ASTN2: variants seen among roughly 807,000 people sequenced by gnomAD.
ASTN2 encodes the protein astrotactin 2.
A neutral mutation model predicts 139.8 loss-of-function variants in ASTN2; 54 were observed. The observed-to-expected ratio is 0.39, with a 90% CI of 0.31 to 0.48. The LOEUF is 0.48. Ranked by LOEUF, ASTN2 falls within the 20% of genes least tolerant of loss-of-function variation. ASTN2 has a pLI of 0.95. For synonymous variants in ASTN2, 756 were observed against 719.5 expected (o/e 1.05, Z -0.81); for missense variants, 1,565 against 1,725.1 (o/e 0.91, Z 1.64).
chr9:116,731,219 A>G (rs955492813), intron 14 of ASTN2, among the ~76,000 whole-genome samples: 4 of 106,468 alleles, frequency 3.8e-5, no homozygotes, highest in Non-Finnish European at 6.1e-5. Context: ...TAATAATAAT[A>G]ATAATAAATC....
At chr9:117,270,152 T>C (rs914090773) in intron 2 of ASTN2, among the ~76,000 whole-genome samples, 2 of 152,202 alleles carry the variant, frequency 1.3e-5, no homozygotes, top group African/African-American at 4.8e-5. Flanking sequence ...TAGTTTTTCT[T>C]GTTTAAAAAA....
intron 13 of ASTN2, among the ~76,000 whole-genome samples, chr9:116,786,559 A>G (rs1830384283): frequency 6.6e-6 from 1 of 152,152 alleles, no homozygotes; most frequent in Non-Finnish European, 1.5e-5. Flanking sequence ...TGTTACTACA[A>G]TCACTACTAC....
intron 10 of ASTN2, among the ~76,000 whole-genome samples, chr9:116,896,813 T>A (rs1833890648): frequency 6.6e-6 from 1 of 152,090 alleles, no homozygotes; most frequent in Non-Finnish European, 1.5e-5. Flanking sequence ...TCATTTACCA[T>A]CATGAGAACA....
Position 117,414,711 on chromosome 9 carries a change from C to A in ASTN2, c.228G>T (p.Leu76=). 3 of 1,260,474 alleles carry A rather than the reference C, an allele frequency of 2.4e-6. No individual in the cohort carries two copies. The highest frequency in any genetic ancestry group is 3.0e-6 in the Non-Finnish European group (3 of 1,003,740). The allele number at this position is 1,260,474 out of a possible 1,614,324, so 78.1% of individuals were successfully genotyped here. The change falls in exon 1 of 23, where the codon CTG becomes CTT. Residue 76 remains leucine (L), a synonymous_variant. Coordinates refer to ENST00000313400, the MANE Select transcript of ASTN2 (RefSeq NM_001365068.1). The surrounding 1 kb of genome is among the most constrained non-coding windows in gnomAD (Gnocchi z 4.2). ...CGCTCCAGCCGATGTCGCTCTCCCG[C>A]AGGGCGGGCAGTGTGGACACCGTGA... is the stretch of plus-strand genomic sequence containing the variant. ...KTVTVSTLPA[L]RESDIGWSGA...
At chr9:116,478,257 A>AG (rs1849056437) in intron 20 of ASTN2, among the ~76,000 whole-genome samples, 1 of 140,356 alleles carries the variant, frequency 7.1e-6, no homozygotes, top group Admixed American at 7.1e-5. Flanking sequence ...GAGGGAGGGA[A>AG]GGAAGGAAGG....
At chr9:116,740,374 T>C (rs952774205) in intron 13 of ASTN2, among the ~76,000 whole-genome samples, 5 of 152,240 alleles carry the variant, frequency 3.3e-5, no homozygotes, top group Admixed American at 6.5e-5. Flanking sequence ...CATACGCACA[T>C]GGATACAAAT....
intron 2 of ASTN2, among the ~76,000 whole-genome samples, chr9:117,223,983 T>G (rs1056406390): frequency 6.6e-6 from 1 of 152,198 alleles, no homozygotes; most frequent in Non-Finnish European, 1.5e-5. Flanking sequence ...TTCTTTGGAA[T>G]GCATTCACCT....
chr9:117,397,610 C>T (rs1351587249), intron 1 of ASTN2, among the ~76,000 whole-genome samples: 1 of 152,108 alleles, frequency 6.6e-6, no homozygotes, highest in African/African-American at 2.4e-5. Context: ...AGCCTTGGGC[C>T]TACATCTAAT....
chr9:117,006,236 A>G (rs891986595), intron 7 of ASTN2, among the ~76,000 whole-genome samples: 8 of 152,144 alleles, frequency 5.3e-5, no homozygotes, highest in Admixed American at 5.2e-4. Flanking sequence ...CTCTTAGATC[A>G]GGACCCAAAT....
chr9:117,339,208 T>G (rs911620157), intron 1 of ASTN2, among the ~76,000 whole-genome samples: 1 of 152,154 alleles, frequency 6.6e-6, no homozygotes, highest in Non-Finnish European at 1.5e-5. Flanking sequence ...CAACTGAGGC[T>G]CACAGAGGGC....
At chr9:116,686,717 G>A (rs1381957544) in intron 16 of ASTN2, 1 of 1,550,378 alleles carries the variant, frequency 6.5e-7, no homozygotes, top group Non-Finnish European at 8.7e-7. Context: ...CAGGGACAGG[G>A]GCTGCAGAGT....
intron 4 of ASTN2, among the ~76,000 whole-genome samples, chr9:117,114,179 A>AG (rs1829321316): frequency 8.7e-6 from 1 of 115,312 alleles, no homozygotes; most frequent in East Asian, 3.5e-4. Flanking sequence ...TTTTTTTTTT[A>AG]AAAAAAAAGT....
chr9:116,599,830 G>A (rs1854780138), intron 19 of ASTN2, among the ~76,000 whole-genome samples: 1 of 152,190 alleles, frequency 6.6e-6, no homozygotes, highest in Non-Finnish European at 1.5e-5. Flanking sequence ...GGAGGAGGAA[G>A]GGACTTTACA....
intron 13 of ASTN2, among the ~76,000 whole-genome samples, chr9:116,784,054 T>G (rs990271288): frequency 1.3e-5 from 2 of 152,212 alleles, no homozygotes; most frequent in Non-Finnish European, 2.9e-5. Context: ...GAGGACCATA[T>G]AGTATGAGAC....
chr9:117,076,931 T>A (rs984887868), intron 5 of ASTN2, among the ~76,000 whole-genome samples: 1 of 152,070 alleles, frequency 6.6e-6, no homozygotes. Context: ...TAATTGAGTG[T>A]TTGAGAGTGA....
At chr9:117,030,191 A>G (rs1838207853) in intron 6 of ASTN2, among the ~76,000 whole-genome samples, 1 of 152,170 alleles carries the variant, frequency 6.6e-6, no homozygotes, top group Non-Finnish European at 1.5e-5. Context: ...CTCATTATAC[A>G]CTATTTGGCA....
intron 13 of ASTN2, among the ~76,000 whole-genome samples, chr9:116,736,838 CT>C (rs1462764525): frequency 6.6e-6 from 1 of 152,152 alleles, no homozygotes; most frequent in African/African-American, 2.4e-5. Context: ...GTAATGCCAC[CT>C]TCTCTATCCG....
chr9:116,644,832 T>A (rs529111493), intron 17 of ASTN2, among the ~76,000 whole-genome samples: 125 of 152,238 alleles, frequency 8.2e-4, no homozygotes, highest in Non-Finnish European at 1.3e-3. Flanking sequence ...CTCAAAAGAT[T>A]TGCTTTATAT....
chr9:116,973,222 A>G (rs1836258601), intron 10 of ASTN2, among the ~76,000 whole-genome samples: 1 of 152,238 alleles, frequency 6.6e-6, no homozygotes, highest in Non-Finnish European at 1.5e-5. Context: ...AAAAATGAGC[A>G]TCACCTCATG....
Sources: gnomAD v4.1 joint callset for allele counts (sites outside exome capture counted in the v4.1 genomes callset) on GRCh38, gnomAD v4.1.1 for gene constraint, Gnocchi (gnomAD v3.1) non-coding constraint, MANE v1.5 for transcripts, NCBI Gene and HGNC (gene_info 2026-07-23, HGNC 2026-07-21) for gene names.